ADAM28: variants seen among roughly 807,000 people sequenced by gnomAD.
ADAM28 encodes disintegrin and metalloproteinase domain-containing protein 28.
In ADAM28, 105 loss-of-function variants were observed where a neutral mutation model predicts 101.2. The ratio of observed to expected loss-of-function variants is 1.04; its 90% CI spans 0.89 to 1.22. ADAM28 has a LOEUF of 1.22. ADAM28 is among the 50% of genes most tolerant of loss of function. ADAM28 has a pLI of 0.00. For missense variants in ADAM28, 1,028 were observed against 945.4 expected, an observed-to-expected ratio of 1.09 and a Z score of -1.15; for synonymous variants, 322 against 310.6, an observed-to-expected ratio of 1.04 and a Z score of -0.39.
intron 2 of ADAM28, among the ~76,000 whole-genome samples, chr8:24,308,974 G>A (rs1320526906): frequency 6.6e-6 from 1 of 152,030 alleles, no homozygotes; most frequent in Non-Finnish European, 1.5e-5. Flanking sequence ...AACAACCTTT[G>A]GTCTACCATA....
At chr8:24,320,042 G>A (rs1043538331) in intron 6 of ADAM28, among the ~76,000 whole-genome samples, 194 bp from the exon 7 acceptor site, 6 of 151,890 alleles carry the variant, frequency 4.0e-5, no homozygotes, top group Admixed American at 1.3e-4. Context: ...AATATTGCTG[G>A]TGTCCCTTCA....
chr8:24,313,162 C>T (rs1263565827), intron 5 of ADAM28, among the ~76,000 whole-genome samples: 3 of 152,152 alleles, frequency 2.0e-5, no homozygotes, highest in African/African-American at 7.2e-5. Context: ...TACAACACTG[C>T]AGCAGTCACT....
At chr8:24,294,678 T>C (rs137953537) in intron 1 of ADAM28, among the ~76,000 whole-genome samples, 128 of 152,334 alleles carry the variant, frequency 8.4e-4, no homozygotes, top group African/African-American at 3.0e-3. Flanking sequence ...TTAGTAATAA[T>C]ACGTGTGACT....
intron 10 of ADAM28, among the ~76,000 whole-genome samples, chr8:24,327,896 C>T (rs1348920999): frequency 6.6e-6 from 1 of 151,982 alleles, no homozygotes; most frequent in Non-Finnish European, 1.5e-5. Flanking sequence ...ATATGTTTAA[C>T]TTTATATCAC....
intron 6 of ADAM28, among the ~76,000 whole-genome samples, chr8:24,317,094 A>C (rs1203364282): frequency 3.9e-5 from 6 of 152,080 alleles, no homozygotes; most frequent in African/African-American, 1.4e-4. Context: ...CATGAATTAG[A>C]AGAATGTTGT....
intron 10 of ADAM28, among the ~76,000 whole-genome samples, chr8:24,326,980 C>G (rs1006533562): frequency 9.9e-5 from 15 of 151,998 alleles, no homozygotes; most frequent in Non-Finnish European, 1.5e-5. Context: ...TTTTGAAAGA[C>G]AGCACAAGAC....
rs1393654085 is a variant in ADAM28, at chr8:24,335,578, G to A, written c.1504G>A (p.Gly502Ser). 2 of 1,613,680 alleles carry A rather than the reference G, an allele frequency of 1.2e-6. No homozygotes were observed. Among genetic ancestry groups the A allele is most frequent in the South Asian group, 1.1e-5 (1 of 91,008 alleles). The change falls in exon 14 of 23, where the codon GGC (glycine) becomes AGC (serine). Residue 502 changes from glycine to serine, a missense_variant. Physicochemically the swap from Gly to Ser is moderately conservative, Grantham distance 56. Transcript: ENST00000265769. ...VNGFPCHHGKGHCLMGTCPTL... is the reference protein window; with the variant it reads ...VNGFPCHHGKSHCLMGTCPTL... ...TGGCTTCCCTTGCCATCACGGGAAG[G>A]GCCACTGCTTGATGGGGACATGCCC...
Position 24,329,868 on chromosome 8 carries a change from TTTGTGTGTGTGTGTGTGTGAGAGA to T in ADAM28, c.973-116_973-93del, listed in dbSNP as rs1813112053. On this transcript the variant is annotated intron_variant, in intron 10 of 22. Transcript: ENST00000265769. ...TGCTCTGTGTGTGTGTGTGTGTGTG[TTTGTGTGTGTGTGTGTGTGAGAGA>T]GAGAGAGAGAGAGAGAGAGAGAGAT... is the stretch of plus-strand genomic sequence containing the variant. 8 of 736,866 alleles carry T rather than the reference TTTGTGTGTGTGTGTGTGTGAGAGA, an allele frequency of 1.1e-5. No homozygotes were observed. The South Asian group carries it at 1.5e-4, about 13-fold the overall frequency. The allele number at this position is 736,866 out of a possible 1,614,324, so 45.6% of individuals were successfully genotyped here. A position where few individuals can be genotyped will look rare whatever the true frequency, so the allele number is the denominator to read the frequency against.
chr8:24,336,669 A>G (rs10093183), intron 14 of ADAM28, among the ~76,000 whole-genome samples: 32,090 of 151,490 alleles, frequency 0.21, 3,971 homozygotes, highest in East Asian at 0.35. Flanking sequence ...TTATATACCT[A>G]AAATCTAAAA....
At position 24,348,489 on chromosome 8, in the gene ADAM28, C is replaced by G. The variant is rs1269803412; in HGVS notation, c.1991-1375C>G. On this transcript the variant is annotated intron_variant, in intron 18 of 22. Transcript: ENST00000265769. ...TTGCCTTTCATTTCTTTCTGCATTT[C>G]TGAACTTTTATCTAGGATTATTTTC... Among the ~76,000 whole-genome samples, 4 of 152,252 alleles carry G rather than the reference C, an allele frequency of 2.6e-5. No individual in the cohort carries two copies. In the East Asian group the frequency reaches 7.7e-4, roughly 29 times the overall value.
At chr8:24,340,446 A>G (rs1015698406) in intron 15 of ADAM28, among the ~76,000 whole-genome samples, 2 of 152,170 alleles carry the variant, frequency 1.3e-5, no homozygotes, top group Admixed American at 6.5e-5. Context: ...AATTATGTAA[A>G]AGGCAGTATG....
chr8:24,332,736 G>A lies in ADAM28; in HGVS notation c.1358G>A (p.Cys453Tyr). 1 of 1,459,570 alleles carries A rather than the reference G, an allele frequency of 6.9e-7. No homozygotes were observed. Among genetic ancestry groups the A allele is most frequent in the East Asian group, 2.5e-5 (1 of 40,474 alleles). The allele number at this position is 1,459,570 out of a possible 1,614,324, so 90.4% of individuals were successfully genotyped here. ...ATFQCALGEC[C>Y]EKCQFKKAGM... ...TTTCAATGTGCATTAGGAGAATGTT[G>A]TGAAAAATGCCAAGTAAGATTATTT... The change falls in exon 13 of 23, where the codon TGT becomes TAT. Residue 453 changes from cysteine (C) to tyrosine (Y), a missense_variant. Coordinates refer to ENST00000265769, the MANE Select transcript of ADAM28 (RefSeq NM_014265.6).
At chr8:24,333,829 CT>C (rs1170551174) in intron 13 of ADAM28, among the ~76,000 whole-genome samples, 1 of 152,084 alleles carries the variant, frequency 6.6e-6, no homozygotes, top group Non-Finnish European at 1.5e-5. Flanking sequence ...ATTTAACTTT[CT>C]GTTGTTGCAT....
rs370830155 is a variant in ADAM28 at position 24,335,339 on chromosome 8, A to G, written c.1372-107A>G. On this transcript the variant is annotated intron_variant, in intron 13 of 22. Transcript: ENST00000265769. ...AAGCTTCAGTGAAATGACACCTCCA[A>G]CTACTATGCCCAAAAAGTCCAAATG... is the stretch of plus-strand genomic sequence containing the variant. 1.5e-5 allele frequency: 22 copies of G among 1,439,502 alleles called. No individual in the cohort carries two copies. The African/African-American group carries it at 3.0e-4, about 20-fold the overall frequency. 89.2% of individuals were successfully genotyped at this position (1,439,502 alleles called of 1,614,324 possible).
At chr8:24,303,474 C>T (rs1310601962) in intron 2 of ADAM28, among the ~76,000 whole-genome samples, 3 of 151,980 alleles carry the variant, frequency 2.0e-5, no homozygotes, top group Non-Finnish European at 4.4e-5. Flanking sequence ...TTATTTCTGA[C>T]CTCTCTATCC....
chr8:24,351,759 A>ATCATTTATAACATTGGTAGTCATT (rs1554523033), intron 20 of ADAM28, among the ~76,000 whole-genome samples: 2 of 150,730 alleles, frequency 1.3e-5, no homozygotes, highest in African/African-American at 4.9e-5. Context: ...AACATTGGTA[A>ATCATTTATAACATTGGTAGTCATT]TCATTTATAA....
chr8:24,321,435 C>G (rs1811865710), intron 8 of ADAM28, 146 bp downstream of exon 8: 1 of 721,262 alleles, frequency 1.4e-6, no homozygotes, highest in African/African-American at 1.7e-5. Context: ...ATGACCACAA[C>G]TTTTGCTACA....
chr8:24,302,468 G>A (rs1224787368), intron 2 of ADAM28, among the ~76,000 whole-genome samples: 1 of 152,204 alleles, frequency 6.6e-6, no homozygotes, highest in Non-Finnish European at 1.5e-5. Context: ...TAATGGGATT[G>A]CTGGGTTAAA....
At position 24,311,368 on chromosome 8, in the gene ADAM28, GTTA is replaced by G; in HGVS notation, c.319_321del (p.Tyr107del). 1 of 1,612,050 alleles carries G rather than the reference GTTA, an allele frequency of 6.2e-7. No individual in the cohort carries two copies. On this transcript the variant is annotated inframe_deletion, in exon 5 of 23. Coordinates refer to ENST00000265769, the MANE Select transcript of ADAM28 (RefSeq NM_014265.6). ...AAACCCCTTTTCCTTTAGGATGATT[GTTA>G]TTATCAAGGACATATTCTTAATGAA...
Sources: allele counts gnomAD v4.1 joint callset (sites outside exome capture counted in the v4.1 genomes callset), GRCh38; gene constraint gnomAD v4.1.1; transcripts MANE v1.5; gene names NCBI Gene and HGNC (gene_info 2026-07-23, HGNC 2026-07-21).